MCTP1: variants seen among roughly 807,000 people sequenced by gnomAD.
MCTP1 encodes the protein multiple C2 and transmembrane domain containing 1.
A neutral mutation model predicts 120.6 loss-of-function variants in MCTP1; 69 were observed. The ratio of observed to expected loss-of-function variants is 0.57; its 90% confidence interval spans 0.47 to 0.70. MCTP1 has a LOEUF of 0.70. Among genes scored for constraint, MCTP1 ranks in the 30% least tolerant of loss-of-function variants. MCTP1 has a pLI of 0.00. For synonymous variants in MCTP1, 529 were observed against 493.1 expected, an observed-to-expected ratio of 1.07 and a Z score of -0.96; for missense variants, 1,203 against 1,248.8, an observed-to-expected ratio of 0.96 and a Z score of 0.55.
At chr5:94,801,338 TA>T in intron 17 of MCTP1, among the ~76,000 whole-genome samples, 1 of 152,320 alleles carries the variant, frequency 6.6e-6, no homozygotes, top group South Asian at 2.1e-4. Flanking sequence ...TTATTTGTAT[TA>T]GCAAAAGTTC....
intron 19 of MCTP1, among the ~76,000 whole-genome samples, chr5:94,725,492 T>G (rs1323576454): frequency 6.6e-6 from 1 of 152,222 alleles, no homozygotes; most frequent in East Asian, 1.9e-4. Flanking sequence ...AATCTCAACT[T>G]CTAATGAAAA....
chr5:95,103,881 G>A (rs115785356), intron 1 of MCTP1, among the ~76,000 whole-genome samples: 224 of 152,220 alleles, frequency 1.5e-3, no homozygotes, highest in African/African-American at 5.3e-3. Flanking sequence ...TGTGGGAGAC[G>A]GGGAGAAGCA....
chr5:95,272,685 T>C (rs1006255308), intron 1 of MCTP1, among the ~76,000 whole-genome samples: 1 of 152,202 alleles, frequency 6.6e-6, no homozygotes, highest in Non-Finnish European at 1.5e-5. Context: ...GCCTGAGAAA[T>C]TCTGCCAACT....
intron 1 of MCTP1, among the ~76,000 whole-genome samples, chr5:95,162,187 T>A (rs552257458): frequency 2.0e-5 from 3 of 152,222 alleles, no homozygotes; most frequent in Non-Finnish European, 4.4e-5. Flanking sequence ...AAACCCATAA[T>A]GTTTATAATG....
intron 7 of MCTP1, among the ~76,000 whole-genome samples, chr5:94,919,758 T>G (rs1363173964): frequency 6.6e-6 from 1 of 152,256 alleles, no homozygotes; most frequent in Non-Finnish European, 1.5e-5. Flanking sequence ...TTCTATCTTT[T>G]GCTTTTCCTG....
At chr5:94,940,565 T>A (rs990011568) in intron 4 of MCTP1, among the ~76,000 whole-genome samples, 4 of 143,214 alleles carry the variant, frequency 2.8e-5, no homozygotes, top group African/African-American at 7.8e-5. Flanking sequence ...CACACGCAAA[T>A]ATATATATAT....
intron 11 of MCTP1, among the ~76,000 whole-genome samples, chr5:94,892,284 C>T (rs757859643): frequency 5.9e-5 from 9 of 152,150 alleles, no homozygotes; most frequent in Admixed American, 6.6e-5. Flanking sequence ...CATCGTCTCA[C>T]GGTGGACAAT....
At chr5:95,088,379 G>A (rs1384358034) in intron 1 of MCTP1, among the ~76,000 whole-genome samples, 2 of 152,300 alleles carry the variant, frequency 1.3e-5, no homozygotes, top group South Asian at 2.1e-4. Context: ...TTGAAGATAC[G>A]CCTTAAGGAA....
intron 2 of MCTP1, among the ~76,000 whole-genome samples, chr5:94,955,124 C>T (rs911686022): frequency 6.6e-6 from 1 of 152,178 alleles, no homozygotes; most frequent in Non-Finnish European, 1.5e-5. Flanking sequence ...TGAGCAGAAG[C>T]AGGGTGGGGC....
intron 2 of MCTP1, among the ~76,000 whole-genome samples, chr5:95,007,125 G>C (rs981824069): frequency 3.9e-5 from 6 of 152,236 alleles, no homozygotes; most frequent in South Asian, 2.1e-4. Context: ...ATGAGAAAAA[G>C]GGGGGAAAAG....
chr5:94,862,070 T>C (rs954441399), intron 17 of MCTP1, among the ~76,000 whole-genome samples: 17 of 151,844 alleles, frequency 1.1e-4, no homozygotes, highest in Admixed American at 5.3e-4. Flanking sequence ...TTTTTGACTA[T>C]AGCATAGCAT....
intron 1 of MCTP1, among the ~76,000 whole-genome samples, chr5:95,195,250 T>C (rs1562226561): frequency 6.6e-6 from 1 of 152,206 alleles, no homozygotes; most frequent in African/African-American, 2.4e-5. Flanking sequence ...TCTTGGGTTT[T>C]TCCCCCGTGG....
chr5:95,054,616 T>TC (rs1746873635), intron 1 of MCTP1, among the ~76,000 whole-genome samples: 1 of 151,540 alleles, frequency 6.6e-6, no homozygotes, highest in South Asian at 2.1e-4. Flanking sequence ...GGAGCAGAGG[T>TC]CCCCCCTACA....
intron 2 of MCTP1, among the ~76,000 whole-genome samples, chr5:94,991,151 A>T (rs1214538955): frequency 6.6e-6 from 1 of 152,182 alleles, no homozygotes; most frequent in African/African-American, 2.4e-5. Flanking sequence ...TGACATTTTA[A>T]AGATAATTCC....
At chr5:95,273,052 G>A (rs1162665588) in intron 1 of MCTP1, among the ~76,000 whole-genome samples, 1 of 152,230 alleles carries the variant, frequency 6.6e-6, no homozygotes, top group East Asian at 1.9e-4. Context: ...AGACAGCGTG[G>A]TCCCTGCTGA....
At chr5:94,987,076 G>T (rs1356833579) in intron 2 of MCTP1, among the ~76,000 whole-genome samples, 1 of 151,930 alleles carries the variant, frequency 6.6e-6, no homozygotes, top group East Asian at 1.9e-4. Flanking sequence ...TTTTTTTATT[G>T]TATTGTTATT....
At chr5:94,745,960 C>A in intron 19 of MCTP1, among the ~76,000 whole-genome samples, 1 of 152,140 alleles carries the variant, frequency 6.6e-6, no homozygotes, top group East Asian at 1.9e-4. Context: ...ATGGCTGCCC[C>A]AGCTGTAAGC....
chr5:95,193,790 A>G (rs1750083276), intron 1 of MCTP1, among the ~76,000 whole-genome samples: 1 of 152,238 alleles, frequency 6.6e-6, no homozygotes, highest in Non-Finnish European at 1.5e-5. Context: ...TGACAGGTAG[A>G]TAAAATTTAT....
intron 18 of MCTP1, among the ~76,000 whole-genome samples, chr5:94,790,408 C>G (rs112335211): frequency 6.6e-6 from 1 of 152,166 alleles, no homozygotes; most frequent in Admixed American, 6.5e-5. Flanking sequence ...GATGTTATCC[C>G]GTGGCTGGTT....
Sources: gnomAD v4.1 joint callset for allele counts (sites outside exome capture counted in the v4.1 genomes callset) on GRCh38, gnomAD v4.1.1 for gene constraint, MANE v1.5 for transcripts, NCBI Gene and HGNC (gene_info 2026-07-23, HGNC 2026-07-21) for gene names.